The following ANKS1B variants were observed in gnomAD, a reference collection of about 807,000 sequenced individuals.
ANKS1B encodes the protein ankyrin repeat and sterile alpha motif domain containing 1B, also known as ankyrin repeat and sterile alpha motif domain-containing protein 1B.
A neutral mutation model predicts 148.3 loss-of-function variants in ANKS1B; 36 were observed. That is an observed-to-expected ratio of 0.24 (90% CI 0.19 to 0.32). The LOEUF (loss-of-function observed/expected upper bound fraction) is 0.32. Ranked by LOEUF, ANKS1B falls within the 10% of genes least tolerant of loss-of-function variation. ANKS1B has a pLI of 1.00. For missense variants in ANKS1B, 1,157 were observed against 1,542.6 expected (o/e 0.75, Z 4.19); for synonymous variants, 542 against 560.8 (o/e 0.97, Z 0.47).
chr12:98,859,523 G>C (rs17815510), intron 17 of ANKS1B, among the ~76,000 whole-genome samples: 39,428 of 152,040 alleles, frequency 0.26, 5,230 homozygotes, highest in Non-Finnish European at 0.28. Flanking sequence ...GATTAATAAT[G>C]ATCAGAAGTA....
chr12:99,659,664 ATGTG>A (rs10534517), intron 8 of ANKS1B, among the ~76,000 whole-genome samples: 18,498 of 152,004 alleles, frequency 0.12, 1,738 homozygotes, highest in East Asian at 0.46. Flanking sequence ...GTGTGTGTGC[ATGTG>A]TGTATGTGTA....
intron 6 of ANKS1B, among the ~76,000 whole-genome samples, chr12:99,777,142 GATCC>G (rs1274188102): frequency 2.0e-5 from 3 of 152,194 alleles, no homozygotes; most frequent in Admixed American, 6.5e-5. Flanking sequence ...TAAATGAACA[GATCC>G]CTTTTCATAC....
At chr12:98,968,174 C>T (rs76121895) in intron 17 of ANKS1B, among the ~76,000 whole-genome samples, 4,267 of 152,086 alleles carry the variant, frequency 0.028, 175 homozygotes, top group African/African-American at 0.091. Context: ...AGTGATCTTT[C>T]ATAAGAAAAA....
chr12:98,913,199 C>T (rs2099789064), intron 17 of ANKS1B, among the ~76,000 whole-genome samples: 1 of 152,140 alleles, frequency 6.6e-6, no homozygotes, highest in Non-Finnish European at 1.5e-5. Context: ...TTAATTCATT[C>T]CAGTCAGATG....
At chr12:99,907,812 TAAAAAAAAAAAA>T (rs751468199) in intron 1 of ANKS1B, among the ~76,000 whole-genome samples, 2 of 100,156 alleles carry the variant, frequency 2.0e-5, no homozygotes, top group South Asian at 7.8e-4. Flanking sequence ...GAGAAATTCT[TAAAAAAAAAAAA>T]AAAAAAAAAA....
At position 98,737,819 on chromosome 12, in the gene ANKS1B, T is replaced by A. The variant is rs75585732; in HGVS notation, c.691-2185A>T. Among the ~76,000 whole-genome samples, 287 of 152,328 alleles carry A rather than the reference T, an allele frequency of 1.9e-3. 10 individuals are homozygous for A. The East Asian group carries it at 0.029, about 15-fold the overall frequency. ...AAATTATATAAAATGAATAAACATA[T>A]CCCTGGAGTGTTTAAGTCAGCAAGT... On this transcript the variant is annotated intron_variant, in intron 9 of 9. Coordinates refer to the ANKS1B transcript ENST00000341752.
At chr12:99,064,841 G>A (rs1267809971) in intron 16 of ANKS1B, among the ~76,000 whole-genome samples, 1 of 152,154 alleles carries the variant, frequency 6.6e-6, no homozygotes, top group Non-Finnish European at 1.5e-5. Context: ...TCTCCCTGAA[G>A]CTTTGCGTAA....
At chr12:99,784,955 C>G (rs2064840995) in intron 4 of ANKS1B, among the ~76,000 whole-genome samples, 1 of 152,150 alleles carries the variant, frequency 6.6e-6, no homozygotes, top group Admixed American at 6.5e-5. Flanking sequence ...ACTGTAAGTT[C>G]AGCGGAAATG....
Position 98,745,768 on chromosome 12 carries a change from T to C in ANKS1B, c.3829A>G (p.Asn1277Asp). 6.2e-7 allele frequency: 1 copy of C among 1,613,806 alleles called. No homozygotes were observed. Among genetic ancestry groups the C allele is most frequent in the Non-Finnish European group, 8.5e-7 (1 of 1,179,788 alleles). The change falls in exon 27 of 27, where the codon AAT (asparagine) becomes GAT (aspartate). Residue 1277 changes from asparagine to aspartate, a missense_variant. Coordinates refer to ENST00000683438, the MANE Select transcript of ANKS1B (RefSeq NM_001352186.2). Reference protein sequence around the residue: ...EPGQEAKRGINTKYETTIF With the variant: ...EPGQEAKRGIDTKYETTIF The stretch of plus-strand genomic sequence containing the variant: ...AAAATCGTGGTTTCATACTTGGTAT[T>C]AATGCCCCTCTTGGCTTCTTGGCCC...
intron 9 of ANKS1B, among the ~76,000 whole-genome samples, chr12:99,611,413 G>A (rs1429779586): frequency 6.6e-6 from 1 of 151,946 alleles, no homozygotes; most frequent in Non-Finnish European, 1.5e-5. Context: ...ATACATGTTT[G>A]TTTGTTTGTT....
chr12:98,873,469 G>A (rs1412916159), intron 17 of ANKS1B, among the ~76,000 whole-genome samples: 2 of 152,054 alleles, frequency 1.3e-5, no homozygotes, highest in Non-Finnish European at 2.9e-5. Context: ...AGTGATATAA[G>A]GTTTAAAAAA....
intron 10 of ANKS1B, among the ~76,000 whole-genome samples, chr12:99,459,698 A>C (rs1326806414): frequency 6.6e-6 from 1 of 151,948 alleles, no homozygotes; most frequent in Non-Finnish European, 1.5e-5. Flanking sequence ...ACTCAACCAA[A>C]GAGGTGAAAG....
chr12:99,376,592 T>A (rs1331865689), intron 12 of ANKS1B, among the ~76,000 whole-genome samples: 1 of 152,234 alleles, frequency 6.6e-6, no homozygotes, highest in African/African-American at 2.4e-5. Flanking sequence ...TCTTGAGAGT[T>A]CAGATTACAG....
intron 9 of ANKS1B, among the ~76,000 whole-genome samples, chr12:99,527,669 C>T (rs183228779): frequency 2.0e-3 from 304 of 152,160 alleles, no homozygotes; most frequent in Non-Finnish European, 3.2e-3. Flanking sequence ...AGTCAGAATC[C>T]CAACTCTGCC....
intron 9 of ANKS1B, among the ~76,000 whole-genome samples, chr12:99,632,767 A>ATATATATATATATATATATATATATT (rs1441486862): frequency 4.2e-5 from 3 of 71,334 alleles, no homozygotes; most frequent in Non-Finnish European, 8.6e-5. Context: ...ATATATATAT[A>ATATATATATATATATATATATATATT]TTTTAATTAT....
At chr12:99,884,916 A>G (rs963779906) in intron 1 of ANKS1B, among the ~76,000 whole-genome samples, 1 of 151,912 alleles carries the variant, frequency 6.6e-6, no homozygotes, top group Admixed American at 6.5e-5. Context: ...TTTTAAAACA[A>G]ATTTACCTAT....
chr12:99,826,553 G>C (rs2083210186), intron 1 of ANKS1B, among the ~76,000 whole-genome samples: 1 of 152,080 alleles, frequency 6.6e-6, no homozygotes, highest in Admixed American at 6.6e-5. Flanking sequence ...TACATGACTA[G>C]AAAAAATTAC....
intron 9 of ANKS1B, among the ~76,000 whole-genome samples, chr12:99,611,234 A>T (rs1444965539): frequency 1.3e-5 from 2 of 152,142 alleles, no homozygotes; most frequent in Non-Finnish European, 2.9e-5. Context: ...AGATATTTTT[A>T]AAAGTAAGAG....
At chr12:99,573,388 G>T (rs1391058373) in intron 9 of ANKS1B, among the ~76,000 whole-genome samples, 1 of 151,764 alleles carries the variant, frequency 6.6e-6, no homozygotes, top group Non-Finnish European at 1.5e-5. Flanking sequence ...TTAAAAAATT[G>T]GTATTATCTT....
Sources: allele counts gnomAD v4.1 joint callset (sites outside exome capture counted in the v4.1 genomes callset), GRCh38; gene constraint gnomAD v4.1.1; transcripts MANE v1.5; gene names NCBI Gene and HGNC (gene_info 2026-07-23, HGNC 2026-07-21).